The following DSCAM variants were observed in gnomAD, a reference collection of about 807,000 sequenced individuals.
DSCAM encodes the protein DS cell adhesion molecule, also known as cell adhesion molecule DSCAM.
Under a neutral mutation model 217.7 loss-of-function variants are expected in DSCAM, and 47 were observed. The ratio of observed to expected loss-of-function variants is 0.22; its 90% CI spans 0.17 to 0.28. DSCAM has a LOEUF of 0.28. Among genes scored for constraint, DSCAM ranks in the 10% least tolerant of loss-of-function variants. The pLI is 1.00. For missense variants in DSCAM, 2,080 were observed against 2,618.3 expected (o/e 0.79, Z 4.49); for synonymous variants, 1,056 against 1,015.3 (o/e 1.04, Z -0.76).
intron 7 of DSCAM, 144 bp from the exon 8 acceptor site, chr21:40,338,520 G>T: frequency 2.3e-6 from 2 of 883,120 alleles, no homozygotes; most frequent in South Asian, 2.4e-5. Context: ...TTTTGCATGT[G>T]GCATTTTCTA....
At chr21:40,791,099 G>T (rs776180128) in intron 1 of DSCAM, among the ~76,000 whole-genome samples, 5 of 151,518 alleles carry the variant, frequency 3.3e-5, no homozygotes, top group Non-Finnish European at 7.4e-5. Flanking sequence ...CAGGAGAATC[G>T]CTTGAACCCA....
intron 3 of DSCAM, among the ~76,000 whole-genome samples, chr21:40,670,966 A>G (rs2090266359): frequency 6.6e-6 from 1 of 152,200 alleles, no homozygotes; most frequent in Admixed American, 6.5e-5. Flanking sequence ...GTCTCCATTA[A>G]AAAATATTGT....
At chr21:40,808,396 G>C (rs78438062) in intron 1 of DSCAM, among the ~76,000 whole-genome samples, 1 of 152,166 alleles carries the variant, frequency 6.6e-6, no homozygotes, top group South Asian at 2.1e-4. Context: ...CCACAGAGTG[G>C]TCAAGCTCTG....
chr21:40,431,888 A>G (rs1452855683), intron 3 of DSCAM, among the ~76,000 whole-genome samples: 1 of 152,192 alleles, frequency 6.6e-6, no homozygotes, highest in Non-Finnish European at 1.5e-5. Flanking sequence ...AAAGCAATAG[A>G]AACTGATTCT....
intron 3 of DSCAM, among the ~76,000 whole-genome samples, chr21:40,535,654 A>C (rs2076489861): frequency 6.6e-6 from 1 of 152,236 alleles, no homozygotes; most frequent in Non-Finnish European, 1.5e-5. Context: ...CGTGCAGAGG[A>C]GACAGGATGG....
chr21:40,712,433 G>A (rs1000549690), intron 1 of DSCAM, among the ~76,000 whole-genome samples: 12 of 128,482 alleles, frequency 9.3e-5, no homozygotes, highest in African/African-American at 3.4e-4. Context: ...ACTGCAGTCC[G>A]CAGTCCGACC....
rs150585228 is a variant in DSCAM at position 40,449,688 on chromosome 21, G to A, written c.509-80443C>T. Among the ~76,000 whole-genome samples, 9 of 152,238 alleles carry A rather than the reference G, an allele frequency of 5.9e-5. No individual in the cohort carries two copies. The East Asian group carries it at 1.7e-3, about 29-fold the overall frequency. ...TCTTCTGGTGGCAGTTTTTGTTGAA[G>A]ATAAAAGCATGAAAACATTGAGCCA... On this transcript the variant is annotated intron_variant, in intron 3 of 32. Transcript: ENST00000400454.
intron 1 of DSCAM, among the ~76,000 whole-genome samples, chr21:40,736,616 G>T (rs1374202928): frequency 6.6e-6 from 1 of 152,050 alleles, no homozygotes; most frequent in East Asian, 1.9e-4. Context: ...GGTATCTAGG[G>T]CCTCCAACCA....
At chr21:40,249,848 G>A (rs1033495801) in intron 11 of DSCAM, among the ~76,000 whole-genome samples, 4 of 152,126 alleles carry the variant, frequency 2.6e-5, no homozygotes, top group Admixed American at 6.6e-5. Flanking sequence ...GAAGGATGAA[G>A]GAGTTAGGTG....
intron 3 of DSCAM, among the ~76,000 whole-genome samples, chr21:40,476,106 C>T (rs2075933337): frequency 1.3e-5 from 2 of 152,018 alleles, no homozygotes; most frequent in South Asian, 4.2e-4. Flanking sequence ...TAGGAGGGTC[C>T]CCATTTGGGT....
intron 3 of DSCAM, among the ~76,000 whole-genome samples, chr21:40,583,168 T>G (rs1601764638): frequency 6.6e-6 from 1 of 152,174 alleles, no homozygotes; most frequent in East Asian, 1.9e-4. Flanking sequence ...AGATCCATTT[T>G]ATAAATGTAA....
At chr21:40,189,892 G>A (rs981746447) in intron 11 of DSCAM, among the ~76,000 whole-genome samples, 4 of 152,074 alleles carry the variant, frequency 2.6e-5, no homozygotes, top group Admixed American at 6.6e-5. Context: ...GCATGAAAAC[G>A]GACTAATACA....
intron 11 of DSCAM, among the ~76,000 whole-genome samples, chr21:40,265,260 A>AT (rs1455413392): frequency 6.6e-6 from 1 of 152,040 alleles, no homozygotes; most frequent in African/African-American, 2.4e-5. Flanking sequence ...AAAACACTTT[A>AT]TTTTTAAAAC....
chr21:40,318,620 C>G (rs150997976), intron 8 of DSCAM, among the ~76,000 whole-genome samples: 1 of 152,316 alleles, frequency 6.6e-6, no homozygotes, highest in African/African-American at 2.4e-5. Flanking sequence ...CAACCAGCAG[C>G]AGCCAGAGAT....
chr21:40,528,581 A>G (rs1380980222), intron 3 of DSCAM, among the ~76,000 whole-genome samples: 1 of 152,180 alleles, frequency 6.6e-6, no homozygotes, highest in East Asian at 1.9e-4. Context: ...GACATTTGCT[A>G]GCACCATAGT....
At chr21:40,175,975 G>A (rs1174035346) in intron 15 of DSCAM, among the ~76,000 whole-genome samples, 2 of 151,716 alleles carry the variant, frequency 1.3e-5, no homozygotes, top group African/African-American at 2.4e-5. Context: ...CTGATGTGGA[G>A]GGGGCCACAG....
chr21:40,758,920 A>G (rs1408829366), intron 1 of DSCAM, among the ~76,000 whole-genome samples: 1 of 152,118 alleles, frequency 6.6e-6, no homozygotes, highest in Non-Finnish European at 1.5e-5. Context: ...ATGACTTTTG[A>G]TTTTTAGCCC....
chr21:40,590,801 GC>G (rs2076978629), intron 3 of DSCAM, among the ~76,000 whole-genome samples: 1 of 152,014 alleles, frequency 6.6e-6, no homozygotes, highest in Non-Finnish European at 1.5e-5. Context: ...GAGGGGTATT[GC>G]CCTGTCTAAA....
intron 1 of DSCAM, among the ~76,000 whole-genome samples, chr21:40,727,404 A>G (rs924684360): frequency 7.2e-5 from 11 of 152,224 alleles, no homozygotes; most frequent in Non-Finnish European, 1.3e-4. Context: ...AAAAAAATTA[A>G]TAAGAGTCAC....
Sources: gnomAD v4.1 joint callset for allele counts (sites outside exome capture counted in the v4.1 genomes callset) on GRCh38, gnomAD v4.1.1 for gene constraint, MANE v1.5 for transcripts, NCBI Gene and HGNC (gene_info 2026-07-23, HGNC 2026-07-21) for gene names.